Variants in CHST9 observed in about 807,000 individuals in gnomAD.
CHST9 encodes the protein carbohydrate sulfotransferase 9.
CHST9 carries 41 observed loss-of-function variants against 44.4 expected under a neutral mutation model. That is an observed-to-expected ratio of 0.92 (90% CI 0.72 to 1.20). CHST9 has a LOEUF of 1.20. CHST9 is among the 50% of genes most tolerant of loss of function. The pLI, the probability that CHST9 is intolerant of heterozygous loss-of-function variation, is 0.00. For synonymous variants in CHST9, 171 were observed against 178.4 expected (o/e 0.96, Z 0.33); for missense variants, 504 against 516.5 (o/e 0.98, Z 0.23).
intron 3 of CHST9, among the ~76,000 whole-genome samples, chr18:27,046,045 A>T (rs2057496215): frequency 6.6e-6 from 1 of 152,138 alleles, no homozygotes; most frequent in Admixed American, 6.6e-5. Context: ...ATTAAGTGAA[A>T]ATGGCAATAG....
intron 1 of CHST9, among the ~76,000 whole-genome samples, chr18:27,184,649 C>T (rs2058941416): frequency 6.6e-6 from 1 of 152,116 alleles, no homozygotes; most frequent in Admixed American, 6.5e-5. Context: ...AAGGAGGCAC[C>T]CCCGCAGCAG....
chr18:27,130,294 A>G (rs2058460257), intron 2 of CHST9, among the ~76,000 whole-genome samples: 1 of 152,212 alleles, frequency 6.6e-6, no homozygotes, highest in Non-Finnish European at 1.5e-5. Context: ...CAAAGTCCAC[A>G]CTAATGACCT....
rs1045770991 is a variant in CHST9 at position 26,917,073 on chromosome 18, T to C, written c.518A>G (p.Glu173Gly). ...GAAAGACCTTCGTTTCTCTTGGGTC[T>C]CCTCAGTTTTCTTCCATTTATTATC... is the stretch of plus-strand genomic sequence containing the variant. ...VKDNKWKKTE[E>G]TQEKRRSFLQ... The change falls in exon 6 of 6, where the codon GAG (glutamate) becomes GGG (glycine). Residue 173 changes from glutamate (E) to glycine (G), a missense_variant. Physicochemically the swap from Glu to Gly is moderately conservative, Grantham distance 98 (BLOSUM62 -2). Coordinates refer to ENST00000618847, the MANE Select transcript of CHST9 (RefSeq NM_031422.6). 1 of 1,613,870 alleles carries C rather than the reference T, an allele frequency of 6.2e-7. No homozygotes were observed. The highest frequency in any genetic ancestry group is 8.5e-7 in the Non-Finnish European group (1 of 1,179,906).
intron 3 of CHST9, among the ~76,000 whole-genome samples, chr18:27,044,508 G>A (rs904094050): frequency 6.6e-6 from 1 of 151,932 alleles, no homozygotes; most frequent in Non-Finnish European, 1.5e-5. Flanking sequence ...GAAACATGTA[G>A]ATATTGCAAA....
At chr18:27,163,685 T>C (rs1180744181) in intron 1 of CHST9, among the ~76,000 whole-genome samples, 1 of 151,986 alleles carries the variant, frequency 6.6e-6, no homozygotes, top group Non-Finnish European at 1.5e-5. Flanking sequence ...AGGGTGGGAG[T>C]GACCCTAATT....
In CHST9 at chr18:27,133,227, T is replaced by C. The variant is rs1373269781; in HGVS notation, c.121+9462A>G. 2.0e-5 allele frequency among the ~76,000 whole-genome samples: 3 copies of C among 152,342 alleles called. No individual in the cohort carries two copies. In the East Asian group the frequency reaches 5.8e-4, roughly 29 times the overall value. ...GATAGCAAGTGCATCATTGTTTATA[T>C]GTGCTCAAAACATGTTGGGAGAACA... On this transcript the variant is annotated intron_variant, in intron 2 of 5. Coordinates refer to ENST00000618847, the MANE Select transcript of CHST9 (RefSeq NM_031422.6).
At chr18:27,093,241 C>T (rs1181929476) in intron 2 of CHST9, among the ~76,000 whole-genome samples, 1 of 152,212 alleles carries the variant, frequency 6.6e-6, no homozygotes, top group Non-Finnish European at 1.5e-5. Context: ...ATTCTCAGAG[C>T]TCAAACACTG....
chr18:27,082,877 A>G (rs2057974023), intron 2 of CHST9, among the ~76,000 whole-genome samples: 1 of 152,194 alleles, frequency 6.6e-6, no homozygotes, highest in Admixed American at 6.5e-5. Flanking sequence ...GTTAGGTTTA[A>G]ATCCCTATAG....
chr18:26,932,889 A>G (rs1051652502), intron 5 of CHST9: 1 of 153,774 alleles, frequency 6.5e-6, no homozygotes, highest in African/African-American at 2.4e-5. Context: ...CATGTATTGC[A>G]TTTCAGTTAT....
intron 1 of CHST9, among the ~76,000 whole-genome samples, chr18:27,179,100 C>CTATA (rs752919033): frequency 6.7e-5 from 8 of 118,814 alleles, no homozygotes; most frequent in African/African-American, 2.2e-4. Flanking sequence ...CTCTCTCTCT[C>CTATA]TCTCTATATA....
chr18:27,053,130 G>GGAAGAAGAAGAGGAAGAAGAAGAAGAA (rs1192075553), intron 2 of CHST9, among the ~76,000 whole-genome samples: 6 of 71,234 alleles, frequency 8.4e-5, no homozygotes, highest in Non-Finnish European at 1.3e-4. Flanking sequence ...AGGAAGAAGA[G>GGAAGAAGAAGAGGAAGAAGAAGAAGAA]GAAGAAGAAG....
At chr18:27,053,262 G>GAAGAAGAAGAAGGAGAAGA (rs772678534) in intron 2 of CHST9, among the ~76,000 whole-genome samples, 1 of 45,764 alleles carries the variant, frequency 2.2e-5, no homozygotes, top group Non-Finnish European at 4.6e-5. Flanking sequence ...GAAGAAGAAG[G>GAAGAAGAAGAAGGAGAAGA]AGAAGGAGAA....
chr18:26,956,352 C>CACAT (rs1307894531), intron 4 of CHST9, among the ~76,000 whole-genome samples: 5 of 144,566 alleles, frequency 3.5e-5, no homozygotes, highest in African/African-American at 1.3e-4. Flanking sequence ...TATACACACA[C>CACAT]AATTATATCA....
chr18:27,159,034 A>G (rs1419452879), intron 1 of CHST9, among the ~76,000 whole-genome samples: 1 of 152,172 alleles, frequency 6.6e-6, no homozygotes, highest in South Asian at 2.1e-4. Flanking sequence ...AGCAGATTGC[A>G]AAAATTTTCT....
chr18:27,025,993 T>C (rs2057281121), intron 3 of CHST9, among the ~76,000 whole-genome samples: 1 of 152,212 alleles, frequency 6.6e-6, no homozygotes. Context: ...TCCTACAATA[T>C]TCTGGTAAGT....
chr18:26,966,758 A>G (rs1329188489), intron 4 of CHST9, among the ~76,000 whole-genome samples: 1 of 152,170 alleles, frequency 6.6e-6, no homozygotes, highest in Non-Finnish European at 1.5e-5. Context: ...TATCAACTGA[A>G]CAAGTGAAGG....
intron 5 of CHST9, among the ~76,000 whole-genome samples, chr18:26,932,792 T>C (rs529053632): frequency 8.5e-5 from 13 of 152,354 alleles, no homozygotes; most frequent in African/African-American, 2.9e-4. Context: ...GCTTCTCTTA[T>C]AGAACTCTTT....
chr18:27,063,529 G>A (rs2057749009), intron 2 of CHST9, among the ~76,000 whole-genome samples: 1 of 152,154 alleles, frequency 6.6e-6, no homozygotes, highest in African/African-American at 2.4e-5. Flanking sequence ...TAAATAAAGT[G>A]GGATGGAGTT....
intron 2 of CHST9, among the ~76,000 whole-genome samples, chr18:27,076,129 T>G (rs1253761403): frequency 6.6e-6 from 1 of 152,360 alleles, no homozygotes; most frequent in Non-Finnish European, 1.5e-5. Flanking sequence ...CATAAAGTAC[T>G]TTGATAAAAA....
Sources: gnomAD v4.1 joint callset for allele counts (sites outside exome capture counted in the v4.1 genomes callset) on GRCh38, gnomAD v4.1.1 for gene constraint, MANE v1.5 for transcripts, NCBI Gene and HGNC (gene_info 2026-07-23, HGNC 2026-07-21) for gene names.